MACROD2: variants seen among roughly 807,000 people sequenced by gnomAD.
MACROD2 encodes ADP-ribose glycohydrolase MACROD2.
MACROD2 carries 36 observed loss-of-function variants against 70.4 expected under a neutral mutation model. The observed-to-expected ratio is 0.51, with a 90% CI of 0.39 to 0.68. MACROD2 has a LOEUF of 0.68. MACROD2 is among the 30% of genes least tolerant of loss of function. MACROD2 has a pLI of 0.00. For missense variants in MACROD2, 496 were observed against 538.4 expected (o/e 0.92, Z 0.78); for synonymous variants, 172 against 178.8 (o/e 0.96, Z 0.30).
chr20:14,007,354 A>G (rs912677946), intron 2 of MACROD2, among the ~76,000 whole-genome samples: 1 of 151,900 alleles, frequency 6.6e-6, no homozygotes, highest in South Asian at 2.1e-4. Flanking sequence ...TTTGACTATC[A>G]TTTTCAATTT....
intron 3 of MACROD2, among the ~76,000 whole-genome samples, chr20:14,342,654 A>G (rs2083025540): frequency 6.6e-6 from 1 of 152,204 alleles, no homozygotes; most frequent in South Asian, 2.1e-4. Context: ...TTAGCAGGTC[A>G]CGGATGCCTT....
At chr20:15,465,309 T>A (rs1442309590) in intron 7 of MACROD2, among the ~76,000 whole-genome samples, 4 of 152,230 alleles carry the variant, frequency 2.6e-5, no homozygotes, top group Non-Finnish European at 4.4e-5. Context: ...TTTAGAATAG[T>A]TTTTGACTTT....
intron 3 of MACROD2, chr20:14,128,016 C>T (rs893765494): frequency 1.8e-6 from 1 of 550,768 alleles, no homozygotes. Context: ...TCCTTTTGAA[C>T]AGATGCAAAA....
intron 8 of MACROD2, among the ~76,000 whole-genome samples, chr20:15,711,844 AAG>A (rs1365726554): frequency 6.6e-6 from 1 of 152,200 alleles, no homozygotes; most frequent in Admixed American, 6.5e-5. Context: ...GTTACTGATT[AAG>A]AGAGAGTAAC....
At chr20:14,057,797 A>AT (rs1245170423) in intron 2 of MACROD2, among the ~76,000 whole-genome samples, 1 of 152,178 alleles carries the variant, frequency 6.6e-6, no homozygotes, top group Non-Finnish European at 1.5e-5. Context: ...GGGTAAACAG[A>AT]TTATGGTAGA....
At chr20:14,989,233 A>G (rs1368278287) in intron 5 of MACROD2, among the ~76,000 whole-genome samples, 7 of 152,154 alleles carry the variant, frequency 4.6e-5, no homozygotes, top group African/African-American at 1.4e-4. Flanking sequence ...ATTCCTGATA[A>G]TGTTTTAAAA....
intron 4 of MACROD2, among the ~76,000 whole-genome samples, chr20:14,609,849 A>G (rs1417025441): frequency 6.6e-6 from 1 of 152,154 alleles, no homozygotes; most frequent in Non-Finnish European, 1.5e-5. Flanking sequence ...TCCATTTTCT[A>G]CAATGGAGAG....
chr20:14,447,262 C>T (rs1055269546), intron 3 of MACROD2, among the ~76,000 whole-genome samples: 9 of 152,234 alleles, frequency 5.9e-5, no homozygotes, highest in Non-Finnish European at 1.2e-4. Context: ...TTGTGATTCA[C>T]CTGCCTCAGC....
intron 12 of MACROD2, among the ~76,000 whole-genome samples, chr20:15,958,536 C>T (rs968085815): frequency 6.6e-6 from 1 of 152,092 alleles, no homozygotes; most frequent in Non-Finnish European, 1.5e-5. Flanking sequence ...TGGGTAAAAT[C>T]CCATTTCCAA....
rs182922242 is a variant in MACROD2 at position 15,876,863 on chromosome 20, A to G, written c.728-8901A>G. ...TTTGATTTGCATTTCTCTGATGGCC[A>G]TTGATGATGATCATTTTTTCATGTG... is the stretch of plus-strand genomic sequence containing the variant. On this transcript the variant is annotated intron_variant, in intron 9 of 17. Coordinates refer to ENST00000684519, the MANE Select transcript of MACROD2 (RefSeq NM_001351661.2). Among the ~76,000 whole-genome samples the G allele has an allele frequency of 3.1e-3, 465 of 152,202 alleles. 3 individuals are homozygous for G. The highest frequency in any genetic ancestry group is 0.01 in the African/African-American group (424 of 41,530).
intron 5 of MACROD2, among the ~76,000 whole-genome samples, chr20:14,686,158 A>G (rs1327101672): frequency 6.6e-6 from 1 of 152,174 alleles, no homozygotes; most frequent in Non-Finnish European, 1.5e-5. Flanking sequence ...GTGGTCCTAT[A>G]AGATTATAAT....
intron 3 of MACROD2, among the ~76,000 whole-genome samples, chr20:14,466,619 A>G (rs1456317441): frequency 6.6e-6 from 1 of 151,978 alleles, no homozygotes; most frequent in African/African-American, 2.4e-5. Flanking sequence ...TCTGATTTTT[A>G]GAGTTTCCGG....
intron 8 of MACROD2, among the ~76,000 whole-genome samples, chr20:15,537,424 C>T (rs1443144068): frequency 6.6e-6 from 1 of 150,896 alleles, no homozygotes; most frequent in Non-Finnish European, 1.5e-5. Context: ...GTTGATTAGT[C>T]ACCAGGGATA....
At position 14,874,991 on chromosome 20, in the gene MACROD2, C is replaced by T. The variant is rs543443676; in HGVS notation, c.418+190032C>T. Among the ~76,000 whole-genome samples the T allele has an allele frequency of 7.9e-5, 12 of 152,000 alleles. No homozygotes were observed. The East Asian group carries it at 1.6e-3, about 20-fold the overall frequency. ...AAGTGCTGGGATTGCAGGCATGAGCCGCTGCACCTGGCCAAAGTTTCATAT... is the reference window on the plus strand; with the variant it reads ...AAGTGCTGGGATTGCAGGCATGAGCTGCTGCACCTGGCCAAAGTTTCATAT... On this transcript the variant is annotated intron_variant, in intron 5 of 17. Coordinates refer to ENST00000684519, the MANE Select transcript of MACROD2 (RefSeq NM_001351661.2).
At chr20:15,294,607 T>C (rs1280442087) in intron 6 of MACROD2, among the ~76,000 whole-genome samples, 1 of 152,196 alleles carries the variant, frequency 6.6e-6, no homozygotes, top group Non-Finnish European at 1.5e-5. Flanking sequence ...GTCTCCAGTA[T>C]TTTTTCCTGC....
intron 5 of MACROD2, among the ~76,000 whole-genome samples, chr20:15,082,523 GTTTTTTTTT>G (rs753606217): frequency 2.0e-5 from 2 of 101,746 alleles, no homozygotes; most frequent in African/African-American, 8.1e-5. Context: ...ACTGCAAGAG[GTTTTTTTTT>G]TTTTTTTTTT....
intron 3 of MACROD2, among the ~76,000 whole-genome samples, chr20:14,103,959 G>A (rs538469241): frequency 1.1e-3 from 168 of 152,154 alleles, no homozygotes; most frequent in African/African-American, 3.8e-3. Flanking sequence ...TGAAATTATG[G>A]AAGCATGAAA....
At chr20:14,119,654 G>A (rs137859732) in intron 3 of MACROD2, among the ~76,000 whole-genome samples, 1,686 of 152,190 alleles carry the variant, frequency 0.011, 30 homozygotes, top group African/African-American at 0.038. Flanking sequence ...TGCAGGCCTC[G>A]CCATTTTTTG....
chr20:15,588,991 CG>C (rs1568914001), intron 8 of MACROD2, among the ~76,000 whole-genome samples: 1 of 152,090 alleles, frequency 6.6e-6, no homozygotes, highest in Non-Finnish European at 1.5e-5. Context: ...TGTATTAGTC[CG>C]TTTTCACACT....
Sources: gnomAD v4.1 joint callset for allele counts (sites outside exome capture counted in the v4.1 genomes callset) on GRCh38, gnomAD v4.1.1 for gene constraint, MANE v1.5 for transcripts, NCBI Gene and HGNC (gene_info 2026-07-23, HGNC 2026-07-21) for gene names.